Variants in RALGPS1 observed in about 807,000 individuals in gnomAD.
RALGPS1 encodes the protein Ral GEF with PH domain and SH3 binding motif 1.
Under a neutral mutation model 78.8 loss-of-function variants are expected in RALGPS1, and 19 were observed. That is an observed-to-expected ratio of 0.24 (90% CI 0.17 to 0.35). RALGPS1 has a LOEUF of 0.35. Ranked by LOEUF, RALGPS1 falls within the 10% of genes least tolerant of loss-of-function variation. The pLI is 1.00. For synonymous variants in RALGPS1, 228 were observed against 256.3 expected, an observed-to-expected ratio of 0.89 and a Z score of 1.06; for missense variants, 454 against 688.3, an observed-to-expected ratio of 0.66 and a Z score of 3.81.
intron 8 of RALGPS1, among the ~76,000 whole-genome samples, chr9:127,117,348 A>G (rs1373989095): frequency 6.6e-6 from 1 of 152,230 alleles, no homozygotes; most frequent in Non-Finnish European, 1.5e-5. Context: ...TCCTCTGACT[A>G]CTGAGTATCC....
rs186571712 is a variant in RALGPS1 at position 127,044,990 on chromosome 9, A to G, written c.301-5053A>G. On this transcript the variant is annotated intron_variant, in intron 5 of 18. Transcript: ENST00000259351. ...TATATTTCCTTTTTTGACATTCTGG[A>G]AAAGGTAAAGCTATAGAGATGATAA... Among the ~76,000 whole-genome samples, 10 of 152,328 alleles carry G rather than the reference A, an allele frequency of 6.6e-5. No individual in the cohort carries two copies. The East Asian group carries it at 1.7e-3, about 26-fold the overall frequency.
At chr9:126,950,294 T>C (rs1156766536) in intron 1 of RALGPS1, among the ~76,000 whole-genome samples, 3 of 152,214 alleles carry the variant, frequency 2.0e-5, no homozygotes, top group Non-Finnish European at 2.9e-5. Context: ...CTTGGCGATG[T>C]GGGCTCTTTT....
At chr9:126,946,024 G>A (rs1390244684) in intron 1 of RALGPS1, among the ~76,000 whole-genome samples, 1 of 152,208 alleles carries the variant, frequency 6.6e-6, no homozygotes, top group East Asian at 1.9e-4. Flanking sequence ...AAACCATAGA[G>A]GGACGGGGCG....
In RALGPS1 at chr9:127,014,687, G is replaced by A. The variant is rs541768560; in HGVS notation, c.217-19744G>A. Among the ~76,000 whole-genome samples the A allele has an allele frequency of 3.0e-3, 460 of 152,260 alleles. 2 individuals are homozygous for A. The highest frequency in any genetic ancestry group is 5.0e-3 in the Non-Finnish European group (342 of 68,008). On this transcript the variant is annotated intron_variant, in intron 4 of 18. Coordinates refer to ENST00000259351, the MANE Select transcript of RALGPS1 (RefSeq NM_014636.3). ...TCGGCTGGACACTGCAGGGAGGCCTGGGGGTGGGGGGTGTGGCCCTAGGTT... is the reference window on the plus strand; with the variant it reads ...TCGGCTGGACACTGCAGGGAGGCCTAGGGGTGGGGGGTGTGGCCCTAGGTT...
At chr9:126,964,563 G>A (rs540768702) in intron 2 of RALGPS1, among the ~76,000 whole-genome samples, 26 of 151,158 alleles carry the variant, frequency 1.7e-4, no homozygotes, top group Middle Eastern at 3.4e-3. Context: ...GAAGTTATTC[G>A]TCTGAGCACA....
At chr9:126,969,865 G>A (rs2039929171) in intron 3 of RALGPS1, among the ~76,000 whole-genome samples, 1 of 152,156 alleles carries the variant, frequency 6.6e-6, no homozygotes, top group Non-Finnish European at 1.5e-5. Context: ...TACTTTTTGA[G>A]AATGCAGTGC....
intron 8 of RALGPS1, among the ~76,000 whole-genome samples, chr9:127,083,964 G>A (rs1233741823): frequency 6.6e-6 from 1 of 152,060 alleles, no homozygotes; most frequent in Non-Finnish European, 1.5e-5. Flanking sequence ...GGCCTGGAGT[G>A]TGGTGGCATG....
intron 7 of RALGPS1, among the ~76,000 whole-genome samples, chr9:127,053,465 C>T (rs2048462998): frequency 6.6e-6 from 1 of 152,210 alleles, no homozygotes. Flanking sequence ...AGTTTTTCTG[C>T]TGTAAAAATA....
chr9:127,162,502 G>T (rs1238432178), intron 8 of RALGPS1, among the ~76,000 whole-genome samples: 1 of 152,214 alleles, frequency 6.6e-6, no homozygotes, highest in Non-Finnish European at 1.5e-5. Context: ...TTCATTGTGG[G>T]AGTGAAAGGC....
At chr9:127,144,682 A>AG (rs1241179561) in intron 8 of RALGPS1, among the ~76,000 whole-genome samples, 1 of 152,264 alleles carries the variant, frequency 6.6e-6, no homozygotes, top group African/African-American at 2.4e-5. Flanking sequence ...AAGGCAGTGA[A>AG]GTACCGATCC....
At chr9:126,926,079 C>G (rs1425710175) in intron 1 of RALGPS1, among the ~76,000 whole-genome samples, 2 of 152,346 alleles carry the variant, frequency 1.3e-5, no homozygotes, top group Non-Finnish European at 2.9e-5. Context: ...CCAGCTGTCA[C>G]CAAAAGCATC....
At chr9:126,971,568 A>G (rs145075808) in intron 3 of RALGPS1, among the ~76,000 whole-genome samples, 162 of 152,362 alleles carry the variant, frequency 1.1e-3, no homozygotes, top group African/African-American at 3.8e-3. Context: ...TAATATATCC[A>G]GCAAGACTGA....
At chr9:127,008,933 C>G (rs768786537) in intron 4 of RALGPS1, among the ~76,000 whole-genome samples, 1 of 152,174 alleles carries the variant, frequency 6.6e-6, no homozygotes, top group Non-Finnish European at 1.5e-5. Context: ...TCAGATGTCT[C>G]TCTGAGAAGT....
intron 3 of RALGPS1, among the ~76,000 whole-genome samples, chr9:126,970,294 A>C (rs1344227459): frequency 1.3e-5 from 2 of 152,212 alleles, no homozygotes; most frequent in Non-Finnish European, 2.9e-5. Flanking sequence ...TCAGGGTATC[A>C]GCATCTGTAG....
At chr9:127,207,960 G>GTC (rs2062025154) in intron 14 of RALGPS1, among the ~76,000 whole-genome samples, 1 of 152,244 alleles carries the variant, frequency 6.6e-6, no homozygotes, top group Non-Finnish European at 1.5e-5. Context: ...GAACACTTGA[G>GTC]TCTCTATCTC....
At chr9:127,177,463 A>G (rs1349433658) in intron 11 of RALGPS1, among the ~76,000 whole-genome samples, 4 of 152,092 alleles carry the variant, frequency 2.6e-5, no homozygotes, top group African/African-American at 9.7e-5. Flanking sequence ...CTTCCCCTCC[A>G]GGCATCTATG....
In RALGPS1 at chr9:127,166,221, T is replaced by C; in HGVS notation, c.748+15T>C. On this transcript the variant is annotated intron_variant, in intron 9 of 18. Transcript: ENST00000259351. ...CTGCAGCTATGGTTAGTACCCTTGT[T>C]GTTAGAATTGTGAAATCTTACGTCA... is the stretch of plus-strand genomic sequence containing the variant. 6.2e-7 allele frequency: 1 copy of C among 1,610,984 alleles called. No homozygotes were observed. Among genetic ancestry groups the C allele is most frequent in the Non-Finnish European group, 8.5e-7 (1 of 1,179,282 alleles).
At chr9:127,035,356 T>C (rs1247597415) in intron 5 of RALGPS1, among the ~76,000 whole-genome samples, 11 of 152,218 alleles carry the variant, frequency 7.2e-5, no homozygotes, top group Admixed American at 7.2e-4. Flanking sequence ...GGAATGATGA[T>C]TGGAGACTTG....
chr9:127,150,623 A>G (rs1023833631), intron 8 of RALGPS1, among the ~76,000 whole-genome samples: 3 of 152,214 alleles, frequency 2.0e-5, no homozygotes, highest in African/African-American at 4.8e-5. Flanking sequence ...GGGAGTTGGC[A>G]TGAGGCATCC....
Sources: gnomAD v4.1 joint callset for allele counts (sites outside exome capture counted in the v4.1 genomes callset) on GRCh38, gnomAD v4.1.1 for gene constraint, MANE v1.5 for transcripts, NCBI Gene and HGNC (gene_info 2026-07-23, HGNC 2026-07-21) for gene names.